CPM: variants seen among roughly 807,000 people sequenced by gnomAD.
The protein encoded by CPM is carboxypeptidase M, also known as renal carboxypeptidase.
In CPM, 35 loss-of-function variants were observed where a neutral mutation model predicts 46.4. That is an observed-to-expected ratio of 0.75 (90% CI 0.58 to 1.00). CPM has a LOEUF of 1.00. Ranked by LOEUF, CPM falls within the 50% of genes least tolerant of loss-of-function variation. The pLI is 0.00. For synonymous variants in CPM, 195 were observed against 195.3 expected (o/e 1.00, Z 0.01); for missense variants, 422 against 530.4 (o/e 0.80, Z 2.01).
At chr12:68,884,992 G>A (rs1366022003) in intron 3 of CPM, among the ~76,000 whole-genome samples, 1 of 152,182 alleles carries the variant, frequency 6.6e-6, no homozygotes, top group Non-Finnish European at 1.5e-5. Flanking sequence ...CGCCTAGGCT[G>A]GAGAGCAGTG....
intron 2 of CPM, among the ~76,000 whole-genome samples, chr12:68,930,213 G>A (rs1429537001): frequency 1.3e-5 from 2 of 152,088 alleles, no homozygotes; most frequent in Admixed American, 6.6e-5. Context: ...CTCTAGTAGC[G>A]GGAACCACAG....
chr12:68,892,030 C>G (rs921973348), intron 2 of CPM, among the ~76,000 whole-genome samples: 1 of 152,152 alleles, frequency 6.6e-6, no homozygotes, highest in Non-Finnish European at 1.5e-5. Context: ...AGCCACTTCA[C>G]GCGGCTGGAA....
chr12:68,869,389 C>T lies in CPM; in HGVS notation c.723G>A (p.Glu241=), dbSNP rs747845285. ...SRNPNMKKGD[E]CKNKMNFPNG... ...TAGGAAAGTTCATTTTGTTTTTACA[C>T]TCGTCTCCTTTCTTCATGTTGGGAT... The change falls in exon 6 of 9, where the codon GAG becomes GAA. Residue 241 remains glutamate (E), a synonymous_variant. Coordinates refer to ENST00000551568, the MANE Select transcript of CPM (RefSeq NM_198320.5). 6.2e-7 allele frequency: 1 copy of T among 1,614,056 alleles called. No homozygotes were observed. Among genetic ancestry groups the T allele is most frequent in the Non-Finnish European group, 8.5e-7 (1 of 1,179,988 alleles).
intron 7 of CPM, among the ~76,000 whole-genome samples, chr12:68,860,762 C>T (rs1298415740): frequency 6.6e-6 from 1 of 152,188 alleles, no homozygotes; most frequent in Non-Finnish European, 1.5e-5. Context: ...ATTCCCAAGC[C>T]TCAATTTTAT....
chr12:68,907,431 T>C (rs1335694080), intron 2 of CPM, among the ~76,000 whole-genome samples: 1 of 152,196 alleles, frequency 6.6e-6, no homozygotes, highest in African/African-American at 2.4e-5. Context: ...AGGAGGCTTA[T>C]AATAGTACCT....
chr12:68,954,064 C>G (rs557704749), intron 1 of CPM, among the ~76,000 whole-genome samples: 1 of 152,174 alleles, frequency 6.6e-6, no homozygotes, highest in Admixed American at 6.5e-5. Context: ...GAGAGCCACC[C>G]CATAAAGTTA....
intron 1 of CPM, among the ~76,000 whole-genome samples, chr12:68,942,242 T>C (rs1888777221): frequency 6.6e-6 from 1 of 152,218 alleles, no homozygotes; most frequent in Non-Finnish European, 1.5e-5. Flanking sequence ...ACAGAGTAGT[T>C]CTTTTATTTT....
At chr12:68,959,532 C>T (rs1424319968) in intron 1 of CPM, among the ~76,000 whole-genome samples, 1 of 151,996 alleles carries the variant, frequency 6.6e-6, no homozygotes, top group African/African-American at 2.4e-5. Flanking sequence ...GCAGTTGGAC[C>T]AAGGACAAAT....
chr12:68,929,322 T>C (rs769842438), intron 2 of CPM, among the ~76,000 whole-genome samples: 65 of 152,124 alleles, frequency 4.3e-4, no homozygotes, highest in Non-Finnish European at 5.7e-4. Flanking sequence ...ATTAAATAAA[T>C]AGATATAGAT....
chr12:68,847,987 A>C (rs1196469817), downstream of CPM: 1 of 152,184 alleles, frequency 6.6e-6, no homozygotes, highest in Non-Finnish European at 1.5e-5. Flanking sequence ...CAACATAATG[A>C]CACCCTGTAT....
At chr12:68,950,047 G>A (rs1888910219) in intron 1 of CPM, among the ~76,000 whole-genome samples, 1 of 152,124 alleles carries the variant, frequency 6.6e-6, no homozygotes, top group African/African-American at 2.4e-5. Context: ...GTGTGCTTGG[G>A]CCTTGTTCAC....
At chr12:68,867,152 G>GA (rs1885489875) in intron 6 of CPM, 104 bp from the exon 7 acceptor site, 2 of 1,137,340 alleles carry the variant, frequency 1.8e-6, no homozygotes, top group Non-Finnish European at 1.3e-6. Flanking sequence ...ATGTAAACAG[G>GA]AAAAAATGAA....
chr12:68,851,851 T>G lies in CPM; in HGVS notation c.*4586A>C, dbSNP rs1290135635. 1 of 152,172 alleles carries G rather than the reference T, an allele frequency of 6.6e-6. No individual in the cohort carries two copies. Among genetic ancestry groups the G allele is most frequent in the African/African-American group, 2.4e-5 (1 of 41,430 alleles). The allele number at this position is 152,172 out of a possible 1,614,324, so 9.4% of individuals were successfully genotyped here. A position where few individuals can be genotyped will look rare whatever the true frequency, so the allele number is the denominator to read the frequency against. On this transcript the variant is annotated 3_prime_UTR_variant, in exon 9 of 9. Coordinates refer to ENST00000551568, the MANE Select transcript of CPM (RefSeq NM_198320.5). ...TTAACTAGTCTGGTCATCATAATTTTCTCCCCCTTCCCCCTTCTAAAGTCA... is the reference window on the plus strand; with the variant it reads ...TTAACTAGTCTGGTCATCATAATTTGCTCCCCCTTCCCCCTTCTAAAGTCA...
At chr12:68,878,913 C>T (rs752863856) in intron 3 of CPM, among the ~76,000 whole-genome samples, 7 of 152,206 alleles carry the variant, frequency 4.6e-5, no homozygotes, top group South Asian at 2.1e-4. Flanking sequence ...TTAGGCTGGG[C>T]GCAATGGCTC....
chr12:68,947,654 A>G lies in CPM; in HGVS notation c.-3-14814T>C, dbSNP rs145252273. Among the ~76,000 whole-genome samples the G allele has an allele frequency of 2.0e-5, 3 of 150,668 alleles. No individual in the cohort carries two copies. The East Asian group carries it at 5.8e-4, about 29-fold the overall frequency. On this transcript the variant is annotated intron_variant, in intron 1 of 8. Transcript: ENST00000546373. ...ATAATGACTAATTTTATTTATTATT[A>G]TTTTTTTTGAGACAGGGTCTTGTTC... is the stretch of plus-strand genomic sequence containing the variant.
At chr12:68,950,153 G>T (rs897269129) in intron 1 of CPM, among the ~76,000 whole-genome samples, 6 of 152,244 alleles carry the variant, frequency 3.9e-5, no homozygotes, top group Admixed American at 3.3e-4. Flanking sequence ...AAATTAAGGT[G>T]CATGTTCTAA....
chr12:68,894,151 C>G (rs1221420578), intron 2 of CPM, among the ~76,000 whole-genome samples: 1 of 152,170 alleles, frequency 6.6e-6, no homozygotes, highest in Non-Finnish European at 1.5e-5. Context: ...CCTGTGTCAT[C>G]TTTCTTCACA....
At chr12:68,866,786 G>T in intron 7 of CPM, 110 bp downstream of exon 7, 1 of 891,398 alleles carries the variant, frequency 1.1e-6, no homozygotes, top group Non-Finnish European at 1.8e-6. Context: ...GCACTGAAAT[G>T]AGGCTATAAC....
chr12:68,856,589 G>A lies in CPM; in HGVS notation c.1180C>T (p.Leu394Phe). 1 of 1,614,226 alleles carries A rather than the reference G, an allele frequency of 6.2e-7. No individual in the cohort carries two copies. Among genetic ancestry groups the A allele is most frequent in the Admixed American group, 1.7e-5 (1 of 60,026 alleles). ...NFSALKKDIL[L>F]PFQGQLDSIP... The stretch of plus-strand genomic sequence containing the variant: ...GAATCCAATTGCCCTTGGAATGGAA[G>A]TAGAATATCCTTTTTAAGAGCACTG... The change falls in exon 9 of 9, where the codon CTT becomes TTT. Residue 394 changes from leucine (L) to phenylalanine (F), a missense_variant. Leu to Phe is a conservative substitution (Grantham distance 22). Coordinates refer to ENST00000551568, the MANE Select transcript of CPM (RefSeq NM_198320.5).
Sources: gnomAD v4.1 joint callset for allele counts (sites outside exome capture counted in the v4.1 genomes callset) on GRCh38, gnomAD v4.1.1 for gene constraint, MANE v1.5 for transcripts, NCBI Gene and HGNC (gene_info 2026-07-23, HGNC 2026-07-21) for gene names.